The following MSRA variants were observed in gnomAD, a reference collection of about 807,000 sequenced individuals.
The protein encoded by MSRA is mitochondrial peptide methionine sulfoxide reductase.
Under a neutral mutation model 31.3 loss-of-function variants are expected in MSRA, and 54 were observed. The ratio of observed to expected loss-of-function variants is 1.73; its 90% CI spans 1.39 to 2.17. The LOEUF is 2.17. MSRA is among the 30% of genes most tolerant of loss of function. MSRA has a pLI of 0.00. For synonymous variants in MSRA, 169 were observed against 116.5 expected (o/e 1.45, Z -2.90); for missense variants, 507 against 300.9 (o/e 1.69, Z -5.07).
At chr8:10,164,188 G>C (rs934813237) in intron 1 of MSRA, among the ~76,000 whole-genome samples, 1 of 152,156 alleles carries the variant, frequency 6.6e-6, no homozygotes, top group Non-Finnish European at 1.5e-5. Context: ...GTGTTAGCAG[G>C]TATCATTCTC....
At chr8:10,253,935 A>G (rs1364019854) in intron 3 of MSRA, among the ~76,000 whole-genome samples, 2 of 152,162 alleles carry the variant, frequency 1.3e-5, no homozygotes, top group Admixed American at 1.3e-4. Context: ...GCAACAAGAC[A>G]GAAAAACACG....
intron 3 of MSRA, among the ~76,000 whole-genome samples, 190 bp from the exon 4 acceptor site, chr8:10,301,344 A>G (rs191169129): frequency 2.0e-4 from 30 of 152,302 alleles, no homozygotes; most frequent in Admixed American, 1.8e-3. Flanking sequence ...AGAGAACTGT[A>G]TGCTTTTATG....
chr8:10,183,657 C>G (rs1022531233), intron 1 of MSRA, among the ~76,000 whole-genome samples: 8 of 152,144 alleles, frequency 5.3e-5, no homozygotes, highest in African/African-American at 1.7e-4. Context: ...CCCACACTTT[C>G]TTTTTTCAAT....
intron 1 of MSRA, among the ~76,000 whole-genome samples, chr8:10,147,749 G>A (rs915372287): frequency 6.6e-6 from 1 of 152,162 alleles, no homozygotes; most frequent in Non-Finnish European, 1.5e-5. Context: ...ATGCTGCCTG[G>A]AGGATTCCTG....
At chr8:10,338,327 G>A (rs555187480) in intron 5 of MSRA, among the ~76,000 whole-genome samples, 6 of 152,282 alleles carry the variant, frequency 3.9e-5, no homozygotes, top group African/African-American at 1.4e-4. Context: ...GGAATAGAAA[G>A]GCCAGAGGCC....
intron 5 of MSRA, among the ~76,000 whole-genome samples, chr8:10,423,718 G>T (rs1420865110): frequency 6.6e-6 from 1 of 152,188 alleles, no homozygotes; most frequent in Admixed American, 6.5e-5. Context: ...GACTGAACCT[G>T]CCCATGGAAC....
intron 2 of MSRA, 36 bp from the exon 3 acceptor site, chr8:10,245,068 A>G: frequency 6.2e-7 from 1 of 1,605,320 alleles, no homozygotes; most frequent in Non-Finnish European, 8.5e-7. Flanking sequence ...GTTTTGAATA[A>G]TCAGTATCCT....
At chr8:10,232,038 G>C (rs988708104) in intron 2 of MSRA, among the ~76,000 whole-genome samples, 1 of 152,256 alleles carries the variant, frequency 6.6e-6, no homozygotes, top group Admixed American at 6.5e-5. Context: ...ACTGGGGAAA[G>C]TGTACAGTCT....
intron 5 of MSRA, among the ~76,000 whole-genome samples, chr8:10,348,173 T>G (rs1220253129): frequency 6.6e-6 from 1 of 151,954 alleles, no homozygotes; most frequent in East Asian, 1.9e-4. Flanking sequence ...ATAGACAGAG[T>G]AGCAGCATAA....
At chr8:10,413,693 A>C (rs1808293650) in intron 5 of MSRA, among the ~76,000 whole-genome samples, 3 of 151,412 alleles carry the variant, frequency 2.0e-5, no homozygotes, top group Admixed American at 2.0e-4. Flanking sequence ...GTAGAAATTC[A>C]AAGATACAAT....
intron 3 of MSRA, among the ~76,000 whole-genome samples, chr8:10,289,125 C>T (rs1366560991): frequency 6.6e-6 from 1 of 152,082 alleles, no homozygotes; most frequent in Non-Finnish European, 1.5e-5. Context: ...AAGCCATTCT[C>T]CTGCCTCAGT....
At chr8:10,362,302 C>A (rs1483558190) in intron 5 of MSRA, among the ~76,000 whole-genome samples, 2 of 152,028 alleles carry the variant, frequency 1.3e-5, no homozygotes, top group Admixed American at 1.3e-4. Flanking sequence ...GGACCTCTTG[C>A]CAAAGAGAAA....
At chr8:10,200,533 C>A (rs1051462867) in intron 1 of MSRA, among the ~76,000 whole-genome samples, 1 of 152,166 alleles carries the variant, frequency 6.6e-6, no homozygotes, top group Non-Finnish European at 1.5e-5. Context: ...CGGGTCCCAG[C>A]TGCTGGTTGT....
At chr8:10,224,034 G>A (rs1810764915) in intron 2 of MSRA, among the ~76,000 whole-genome samples, 1 of 152,122 alleles carries the variant, frequency 6.6e-6, no homozygotes, top group Non-Finnish European at 1.5e-5. Context: ...TGCATCCTAG[G>A]ATCATCATTT....
chr8:10,231,921 A>T (rs1190148014), intron 2 of MSRA, among the ~76,000 whole-genome samples: 1 of 152,156 alleles, frequency 6.6e-6, no homozygotes, highest in Admixed American at 6.5e-5. Context: ...ATAAAAATAA[A>T]AATAAAAATA....
At chr8:10,177,579 A>C (rs889403111) in intron 1 of MSRA, among the ~76,000 whole-genome samples, 3 of 152,230 alleles carry the variant, frequency 2.0e-5, no homozygotes. Flanking sequence ...TTCATATGCT[A>C]TATCAGAATT....
chr8:10,085,759 C>T (rs921205054), intron 1 of MSRA, among the ~76,000 whole-genome samples: 2 of 152,258 alleles, frequency 1.3e-5, no homozygotes, highest in African/African-American at 4.8e-5. Context: ...GTCTGCTCAC[C>T]TGCCTCCAGC....
At chr8:10,338,564 A>C (rs370921461) in intron 5 of MSRA, among the ~76,000 whole-genome samples, 1 of 152,226 alleles carries the variant, frequency 6.6e-6, no homozygotes, top group Non-Finnish European at 1.5e-5. Context: ...ATTATTCTAC[A>C]TTGTATGCAT....
chr8:10,073,848 A>G (rs180847250), intron 1 of MSRA, among the ~76,000 whole-genome samples: 1 of 152,088 alleles, frequency 6.6e-6, no homozygotes, highest in East Asian at 1.9e-4. Flanking sequence ...TGAACAAATT[A>G]CTTTCATTTC....
Sources: gnomAD v4.1 joint callset for allele counts (sites outside exome capture counted in the v4.1 genomes callset) on GRCh38, gnomAD v4.1.1 for gene constraint, MANE v1.5 for transcripts, NCBI Gene and HGNC (gene_info 2026-07-23, HGNC 2026-07-21) for gene names.